ZNF804A: variants seen among roughly 807,000 people sequenced by gnomAD.
ZNF804A encodes the protein zinc finger protein 804A.
ZNF804A carries 2 observed loss-of-function variants against 16.5 expected under a neutral mutation model. That is an observed-to-expected ratio of 0.12 (90% CI 0.05 to 0.38). ZNF804A has a LOEUF of 0.38. ZNF804A is among the 10% of genes least tolerant of loss of function. ZNF804A has a pLI of 0.99. For synonymous variants in ZNF804A, 534 were observed against 489.6 expected, an observed-to-expected ratio of 1.09 and a Z score of -1.20; for missense variants, 1,473 against 1,390.7, an observed-to-expected ratio of 1.06 and a Z score of -0.94.
At chr2:184,875,496 C>T (rs573030096) in intron 2 of ZNF804A, among the ~76,000 whole-genome samples, 28 of 152,202 alleles carry the variant, frequency 1.8e-4, no homozygotes, top group African/African-American at 6.7e-4. Flanking sequence ...TGGAGGCAGG[C>T]TGAAGTCCTC....
chr2:184,764,355 G>A (rs1017461215), intron 1 of ZNF804A, among the ~76,000 whole-genome samples: 1 of 151,958 alleles, frequency 6.6e-6, no homozygotes, highest in African/African-American at 2.4e-5. Flanking sequence ...TAAGTTAAAG[G>A]ACTCATAAAA....
chr2:184,784,984 C>T (rs565423572), intron 1 of ZNF804A, among the ~76,000 whole-genome samples: 2 of 151,920 alleles, frequency 1.3e-5, no homozygotes, highest in Non-Finnish European at 2.9e-5. Context: ...ATCCCCTTCG[C>T]CTTGGCTGTC....
chr2:184,918,667 GC>G (rs796645076), intron 2 of ZNF804A, among the ~76,000 whole-genome samples: 3 of 152,144 alleles, frequency 2.0e-5, no homozygotes, highest in African/African-American at 7.2e-5. Context: ...CCATATATAT[GC>G]TTTGTTCTAA....
At chr2:184,729,438 A>G (rs930494545) in intron 1 of ZNF804A, among the ~76,000 whole-genome samples, 5 of 152,016 alleles carry the variant, frequency 3.3e-5, no homozygotes, top group Admixed American at 6.6e-5. Flanking sequence ...ATCTTTAAAT[A>G]TATTGCATTT....
chr2:184,690,382 T>C (rs1028012615), intron 1 of ZNF804A, among the ~76,000 whole-genome samples: 1 of 152,008 alleles, frequency 6.6e-6, no homozygotes, highest in African/African-American at 2.4e-5. Flanking sequence ...TAGTTGTCTA[T>C]CAAATCCTAC....
intron 1 of ZNF804A, among the ~76,000 whole-genome samples, chr2:184,746,936 TGA>T (rs765499679): frequency 5.9e-5 from 9 of 151,398 alleles, no homozygotes; most frequent in Non-Finnish European, 1.2e-4. Context: ...GAAATCAAAC[TGA>T]GAGAGTTTTC....
At chr2:184,871,224 A>G (rs756742247) in intron 2 of ZNF804A, among the ~76,000 whole-genome samples, 1 of 151,942 alleles carries the variant, frequency 6.6e-6, no homozygotes, top group East Asian at 1.9e-4. Flanking sequence ...GTAGGAAGCT[A>G]CTGGCTAAAA....
At chr2:184,799,406 T>C (rs771374615) in intron 1 of ZNF804A, among the ~76,000 whole-genome samples, 17 of 152,198 alleles carry the variant, frequency 1.1e-4, no homozygotes, top group Non-Finnish European at 1.9e-4. Context: ...GTTTTGAAGT[T>C]TTTTTGCATT....
At chr2:184,732,324 T>C (rs1693534273) in intron 1 of ZNF804A, among the ~76,000 whole-genome samples, 1 of 152,164 alleles carries the variant, frequency 6.6e-6, no homozygotes, top group Non-Finnish European at 1.5e-5. Flanking sequence ...TGCCATTGTA[T>C]TGTCTTTTCT....
chr2:184,682,051 T>C (rs1225079833), intron 1 of ZNF804A, among the ~76,000 whole-genome samples: 1 of 152,228 alleles, frequency 6.6e-6, no homozygotes, highest in Non-Finnish European at 1.5e-5. Flanking sequence ...TCTGAAACTT[T>C]GGGCACCAAC....
At chr2:184,629,913 G>A (rs996076099) in intron 1 of ZNF804A, among the ~76,000 whole-genome samples, 4 of 152,094 alleles carry the variant, frequency 2.6e-5, no homozygotes, top group African/African-American at 9.7e-5. Context: ...AGGCCTTAGA[G>A]GCTTGCAAGG....
intron 1 of ZNF804A, among the ~76,000 whole-genome samples, chr2:184,749,560 C>T (rs988708503): frequency 6.6e-6 from 1 of 151,180 alleles, no homozygotes; most frequent in Admixed American, 6.6e-5. Flanking sequence ...TATTTGAATG[C>T]CTTTTATTTC....
chr2:184,822,286 ATCC>A (rs1695097825), intron 1 of ZNF804A, among the ~76,000 whole-genome samples: 1 of 152,158 alleles, frequency 6.6e-6, no homozygotes, highest in African/African-American at 2.4e-5. Context: ...GGAAGCTGTT[ATCC>A]TCAGCGAATT....
chr2:184,788,191 G>A (rs1694480040), intron 1 of ZNF804A, among the ~76,000 whole-genome samples: 1 of 151,906 alleles, frequency 6.6e-6, no homozygotes, highest in Non-Finnish European at 1.5e-5. Flanking sequence ...TTGTTCCAAT[G>A]ATCTATGTGT....
chr2:184,640,975 T>C (rs1691787392), intron 1 of ZNF804A, among the ~76,000 whole-genome samples: 1 of 152,148 alleles, frequency 6.6e-6, no homozygotes, highest in South Asian at 2.1e-4. Context: ...TTTACCCTGA[T>C]ATAGAGTCTT....
chr2:184,825,869 T>A lies in ZNF804A; in HGVS notation c.112-40500T>A, dbSNP rs552320289. On this transcript the variant is annotated intron_variant, in intron 1 of 3. Transcript: ENST00000302277. ...CCTTTTTATTTTTTTAATTTAATTT[T>A]ATTTATTTATTTATTTTTCTGAGAC... Among the ~76,000 whole-genome samples, 41 of 152,010 alleles carry A rather than the reference T, an allele frequency of 2.7e-4. 1 individual carries two copies. Among genetic ancestry groups the A allele is most frequent in the African/African-American group, 9.4e-4 (39 of 41,502 alleles).
At chr2:184,747,479 G>C (rs985145153) in intron 1 of ZNF804A, among the ~76,000 whole-genome samples, 1 of 150,746 alleles carries the variant, frequency 6.6e-6, no homozygotes, top group African/African-American at 2.4e-5. Context: ...TTTAGAGTAT[G>C]TTTTACATAC....
chr2:184,792,537 T>C (rs1694566295), intron 1 of ZNF804A, among the ~76,000 whole-genome samples: 1 of 152,200 alleles, frequency 6.6e-6, no homozygotes, highest in South Asian at 2.1e-4. Flanking sequence ...TTCTAAAAGT[T>C]CTTTGTATAT....
At chr2:184,677,387 T>C (rs1692456323) in intron 1 of ZNF804A, among the ~76,000 whole-genome samples, 1 of 152,070 alleles carries the variant, frequency 6.6e-6, no homozygotes, top group South Asian at 2.1e-4. Flanking sequence ...TTGGTCAGAA[T>C]TGGGTAAATT....
Sources: gnomAD v4.1 joint callset for allele counts (sites outside exome capture counted in the v4.1 genomes callset) on GRCh38, gnomAD v4.1.1 for gene constraint, MANE v1.5 for transcripts, NCBI Gene and HGNC (gene_info 2026-07-23, HGNC 2026-07-21) for gene names.